PRICKLE1: variants seen among roughly 807,000 people sequenced by gnomAD.
The protein encoded by PRICKLE1 is prickle planar cell polarity protein 1.
In PRICKLE1, 14 loss-of-function variants were observed where a neutral mutation model predicts 70.2. The observed-to-expected ratio is 0.20, with a 90% CI of 0.13 to 0.31. PRICKLE1 has a LOEUF of 0.31. PRICKLE1 is among the 10% of genes least tolerant of loss of function. The probability of loss-of-function intolerance (pLI) is 1.00; values close to 1 mark genes in which losing one functional copy is unlikely to be tolerated. For missense variants in PRICKLE1, 821 were observed against 1,026.2 expected (o/e 0.80, Z 2.73); for synonymous variants, 357 against 379.9 (o/e 0.94, Z 0.70).
intron 1 of PRICKLE1, chr12:42,485,431 A>G (rs1938969414): frequency 6.6e-6 from 1 of 152,080 alleles, no homozygotes; most frequent in South Asian, 2.1e-4. Context: ...CTGATATAGA[A>G]CTCTTCTGGC....
At chr12:42,522,193 C>T (rs575321272) in intron 1 of PRICKLE1, among the ~76,000 whole-genome samples, 114 of 152,046 alleles carry the variant, frequency 7.5e-4, no homozygotes, top group African/African-American at 2.5e-3. Context: ...CCAGGCTGGT[C>T]TCGAACACCA....
rs779783898 is a variant in PRICKLE1 at position 42,459,904 on chromosome 12, G to A, written c.2401C>T (p.Pro801Ser). ...TGAGGGGTGGGAAGTGCAGATGGTG[G>A]ACTAGAAAGGTCATCTGTATAGTAG... is the stretch of plus-strand genomic sequence containing the variant. ...FAYYTDDLSS[P>S]PSALPTPQFG... The change falls in exon 8 of 8, where the codon CCA becomes TCA. Residue 801 changes from proline (P) to serine (S), a missense_variant. Physicochemically the swap from Pro to Ser is moderately conservative, Grantham distance 74. Transcript: ENST00000345127. 5.6e-6 allele frequency: 9 copies of A among 1,614,146 alleles called. No homozygotes were observed. The South Asian group carries it at 8.8e-5, about 16-fold the overall frequency.
chr12:42,461,348 T>C (rs1392107168), intron 7 of PRICKLE1, among the ~76,000 whole-genome samples: 1 of 152,218 alleles, frequency 6.6e-6, no homozygotes, highest in East Asian at 1.9e-4. Context: ...ACTGCTTCAT[T>C]TGGAGATCTT....
chr12:42,566,879 C>T (rs1566129801), intron 1 of PRICKLE1, among the ~76,000 whole-genome samples: 1 of 152,132 alleles, frequency 6.6e-6, no homozygotes, highest in African/African-American at 2.4e-5. Flanking sequence ...AGTTTTTGAG[C>T]CACTATCATA....
intron 1 of PRICKLE1, among the ~76,000 whole-genome samples, chr12:42,568,011 T>C (rs987093261): frequency 2.0e-5 from 3 of 152,146 alleles, no homozygotes; most frequent in Admixed American, 6.5e-5. Flanking sequence ...TAAATGTTCA[T>C]TGTGAATGGA....
Position 42,464,925 on chromosome 12 carries a change from G to T in PRICKLE1, c.1109C>A (p.Thr370Asn), listed in dbSNP as rs778286825. ...FPGLSGNADD[T>N]LSRKLDDLSL... ...CAGATCATCCAATTTTCGAGAAAGG[G>T]TGTCATCAGCATTGCCTGAGAGGCC... The change falls in exon 7 of 8, where the codon ACC becomes AAC. Residue 370 changes from threonine (T) to asparagine (N), a missense_variant. Coordinates refer to ENST00000345127, the MANE Select transcript of PRICKLE1 (RefSeq NM_153026.3). The surrounding 1 kb of genome is among the most constrained non-coding windows in gnomAD (Gnocchi z 4.2). 2.5e-6 allele frequency: 4 copies of T among 1,613,990 alleles called. No homozygotes were observed. The highest frequency in any genetic ancestry group is 1.3e-5 in the African/African-American group (1 of 74,888).
chr12:42,472,337 A>T, intron 2 of PRICKLE1, 48 bp downstream of exon 2: 1 of 1,607,786 alleles, frequency 6.2e-7, no homozygotes, highest in Non-Finnish European at 8.5e-7. Context: ...TAAAGTCTGA[A>T]CTCACACTGA....
At chr12:42,477,442 GTATATATGTATATACGTATATA>G (rs1938594638) in intron 1 of PRICKLE1, among the ~76,000 whole-genome samples, 2 of 101,528 alleles carry the variant, frequency 2.0e-5, no homozygotes, top group Non-Finnish European at 4.0e-5. Flanking sequence ...GTATATATGT[GTATATATGTATATACGTATATA>G]TGTGTGTGTG....
At chr12:42,480,279 CATT>C (rs1938746370) in intron 1 of PRICKLE1, among the ~76,000 whole-genome samples, 1 of 152,174 alleles carries the variant, frequency 6.6e-6, no homozygotes, top group Non-Finnish European at 1.5e-5. Flanking sequence ...ATTAGGCAAC[CATT>C]CTTTGAAAAA....
intron 1 of PRICKLE1, among the ~76,000 whole-genome samples, chr12:42,481,738 A>G (rs1397596739): frequency 6.6e-6 from 1 of 152,234 alleles, no homozygotes; most frequent in African/African-American, 2.4e-5. Context: ...TTCTTTTCAC[A>G]ATACAAAATA....
At chr12:42,568,774 G>C (rs1310922733) in intron 1 of PRICKLE1, among the ~76,000 whole-genome samples, 2 of 152,150 alleles carry the variant, frequency 1.3e-5, no homozygotes, top group Non-Finnish European at 2.9e-5. Flanking sequence ...TAGTCTTTTA[G>C]TGTAGCCATC....
chr12:42,571,525 C>T (rs1041589646), intron 1 of PRICKLE1, among the ~76,000 whole-genome samples: 3 of 152,188 alleles, frequency 2.0e-5, no homozygotes, highest in Non-Finnish European at 2.9e-5. Flanking sequence ...TTGGTCTTGT[C>T]TGAGGAAGCA....
chr12:42,464,330 A>G lies in PRICKLE1; in HGVS notation c.1639+65T>C. On this transcript the variant is annotated intron_variant, in intron 7 of 7. Coordinates refer to ENST00000345127, the MANE Select transcript of PRICKLE1 (RefSeq NM_153026.3). The surrounding 1 kb of genome is among the most constrained non-coding windows in gnomAD (Gnocchi z 4.2). ...GCCACTGCGCCTGGCTTGAATTGCA[A>G]TTTTTTGAATACACTTTTTAGTAGC... 3 of 1,608,124 alleles carry G rather than the reference A, an allele frequency of 1.9e-6. No homozygotes were observed. The highest frequency in any genetic ancestry group is 2.6e-6 in the Non-Finnish European group (3 of 1,175,422).
In PRICKLE1 at chr12:42,540,312, A is replaced by G. The variant is rs146024355; in HGVS notation, c.-49+49153T>C. ...TTAAGAGTTTGGGTCTGAAGTTGCTACCTGAAAACAAATTCTCTACTCAGC... is the reference window on the plus strand; with the variant it reads ...TTAAGAGTTTGGGTCTGAAGTTGCTGCCTGAAAACAAATTCTCTACTCAGC... On this transcript the variant is annotated intron_variant, in intron 1 of 7. Transcript: ENST00000345127. Among the ~76,000 whole-genome samples the G allele has an allele frequency of 4.3e-4, 66 of 152,294 alleles. No individual in the cohort carries two copies. In the East Asian group the frequency reaches 0.011, roughly 26 times the overall value.
intron 1 of PRICKLE1, among the ~76,000 whole-genome samples, chr12:42,512,625 A>C (rs1939534818): frequency 6.6e-6 from 1 of 151,974 alleles, no homozygotes; most frequent in Non-Finnish European, 1.5e-5. Context: ...CATAGCACTG[A>C]TTTCTATCTG....
rs1244482679 is a variant in PRICKLE1, at chr12:42,464,780, G to A, written c.1254C>T (p.Leu418=). ...GGCTTTTATCACCAAACTTGAGGAG[G>A]AGCTGCGTCATATAATCTTCATGAT... ...WADHEDYMTQ[L]LLKFGDKSLF... Residue 418 remains leucine (L), a synonymous_variant, in exon 7 of 8, where the codon CTC becomes CTT. Coordinates refer to ENST00000345127, the MANE Select transcript of PRICKLE1 (RefSeq NM_153026.3). This position sits in a 1 kb window ranked among gnomAD's most constrained non-coding sequence, Gnocchi z 4.2. 1 of 1,613,966 alleles carries A rather than the reference G, an allele frequency of 6.2e-7. No individual in the cohort carries two copies. Among genetic ancestry groups the A allele is most frequent in the African/African-American group, 1.3e-5 (1 of 74,886 alleles).
intron 1 of PRICKLE1, among the ~76,000 whole-genome samples, chr12:42,530,541 T>C (rs1415157156): frequency 6.6e-6 from 1 of 151,932 alleles, no homozygotes; most frequent in African/African-American, 2.4e-5. Flanking sequence ...TCCTAAAGGT[T>C]CCCAACATTT....
intron 1 of PRICKLE1, among the ~76,000 whole-genome samples, chr12:42,554,399 C>A (rs556185471): frequency 6.6e-6 from 1 of 152,128 alleles, no homozygotes; most frequent in Non-Finnish European, 1.5e-5. Flanking sequence ...TAGAATTCAG[C>A]AAAGCCGTAT....
At chr12:42,567,174 C>T (rs1268086437) in intron 1 of PRICKLE1, among the ~76,000 whole-genome samples, 1 of 152,134 alleles carries the variant, frequency 6.6e-6, no homozygotes, top group South Asian at 2.1e-4. Context: ...CAAAGCTCCT[C>T]GATGGATACC....
Sources: gnomAD v4.1 joint callset for allele counts (sites outside exome capture counted in the v4.1 genomes callset) on GRCh38, gnomAD v4.1.1 for gene constraint, Gnocchi (gnomAD v3.1) non-coding constraint, MANE v1.5 for transcripts, NCBI Gene and HGNC (gene_info 2026-07-23, HGNC 2026-07-21) for gene names.